The following SMIM28 variants were observed in gnomAD, a reference collection of about 807,000 sequenced individuals.
SMIM28 encodes small integral membrane protein 28.
chr6:138,380,683 C>T (rs1217769485), intron 1 of SMIM28, among the ~76,000 whole-genome samples: 4 of 152,118 alleles, frequency 2.6e-5, no homozygotes, highest in African/African-American at 7.2e-5. Flanking sequence ...AGGAGAATGG[C>T]GTGAACCTGG....
chr6:138,378,549 T>C lies in SMIM28; in HGVS notation c.111+366T>C, dbSNP rs548350312. ...GTCTACATATACAAAAATAAGAGCC[T>C]CTCTTTGGTCCTGGCTGTGTATTAA... On this transcript the variant is annotated intron_variant, in intron 1 of 1. Transcript: ENST00000573100. Among the ~76,000 whole-genome samples, 14 of 152,326 alleles carry C rather than the reference T, an allele frequency of 9.2e-5. No homozygotes were observed. The East Asian group carries it at 2.7e-3, about 29-fold the overall frequency.
intron 1 of SMIM28, among the ~76,000 whole-genome samples, chr6:138,381,502 T>C (rs1452704455): frequency 1.3e-5 from 2 of 152,244 alleles, no homozygotes; most frequent in East Asian, 3.8e-4. Context: ...GGAGCCATTA[T>C]AATTTCTGTG....
rs1433358952 is a variant in SMIM28, at chr6:138,378,121, C to CG, written c.54dup (p.Thr19AspfsTer3). 1.0e-5 allele frequency: 4 copies of CG among 398,508 alleles called. No homozygotes were observed. The highest frequency in any genetic ancestry group is 1.3e-4 in the South Asian group (1 of 7,844). 24.7% of individuals were successfully genotyped at this position (398,508 alleles called of 1,614,324 possible). On this transcript the variant is annotated frameshift_variant, in exon 1 of 2. Transcript: ENST00000573100. LOFTEE classifies it high-confidence loss of function. ...CTGGAAGAAGTTTGGACATGCTGGC[C>CG]GGGGGACATATGAGTGGTTAACCAG...
intron 1 of SMIM28, among the ~76,000 whole-genome samples, chr6:138,379,923 A>G (rs1444278366): frequency 2.0e-5 from 3 of 152,152 alleles, no homozygotes; most frequent in African/African-American, 2.4e-5. Flanking sequence ...CGCATACATA[A>G]AACATAAGAG....
At position 138,377,908 on chromosome 6, in the gene SMIM28, C is replaced by T. The variant is rs1423350830; in HGVS notation, c.-165C>T. On this transcript the variant is annotated 5_prime_UTR_variant, in exon 1 of 2. Coordinates refer to ENST00000573100, the MANE Select transcript of SMIM28 (RefSeq NM_001368163.3). ...ATCTAAACAGTCAGTCCTGAGAGGT[C>T]TCTCTGGTTGGTTTCTTTCCCCTGT... The T allele has an allele frequency of 2.5e-6, 1 of 393,966 alleles. No individual in the cohort carries two copies. The highest frequency in any genetic ancestry group is 3.6e-5 in the East Asian group (1 of 27,860). The allele number at this position is 393,966 out of a possible 1,614,324, so 24.4% of individuals were successfully genotyped here. A position where few individuals can be genotyped will look rare whatever the true frequency, so the allele number is the denominator to read the frequency against.
Position 138,382,938 on chromosome 6 carries a change from A to C in SMIM28, c.*91A>C. 1 of 397,578 alleles carries C rather than the reference A, an allele frequency of 2.5e-6. No homozygotes were observed. Among genetic ancestry groups the C allele is most frequent in the South Asian group, 1.4e-4 (1 of 7,162 alleles). 24.6% of individuals were successfully genotyped at this position (397,578 alleles called of 1,614,324 possible). A position where few individuals can be genotyped will look rare whatever the true frequency, so the allele number is the denominator to read the frequency against. On this transcript the variant is annotated 3_prime_UTR_variant, in exon 2 of 2. Transcript: ENST00000573100. ...CTCCACCTTTAATACAGCACCCATG[A>C]GAAGAGGGAGAAGGGCCCCTAGACC...
intron 1 of SMIM28, among the ~76,000 whole-genome samples, chr6:138,380,869 ACCTCATCTCTCAT>A (rs1774304769): frequency 6.6e-6 from 1 of 151,866 alleles, no homozygotes; most frequent in South Asian, 2.1e-4. Flanking sequence ...CAAGGAGTGA[ACCTCATCTCTCAT>A]AGTTTATGAG....
At position 138,383,395 on chromosome 6, in the gene SMIM28, T is replaced by C. The variant is rs1268968563; in HGVS notation, c.*548T>C. On this transcript the variant is annotated 3_prime_UTR_variant, in exon 2 of 2. Transcript: ENST00000573100. ...AGAACTGCAGGGGATAGTTGTGTTG[T>C]AAATAATGGTGAAATATATTACAAT... 6.6e-6 allele frequency among the ~76,000 whole-genome samples: 1 copy of C among 152,254 alleles called. No homozygotes were observed. The highest frequency in any genetic ancestry group is 2.4e-5 in the African/African-American group (1 of 41,466).
At chr6:138,379,856 C>G (rs1319981852) in intron 1 of SMIM28, among the ~76,000 whole-genome samples, 1 of 151,980 alleles carries the variant, frequency 6.6e-6, no homozygotes, top group Admixed American at 6.5e-5. Flanking sequence ...ATTCTGATAT[C>G]AAATTAGATT....
At chr6:138,381,937 T>C (rs944240167) in intron 1 of SMIM28, among the ~76,000 whole-genome samples, 8 of 152,276 alleles carry the variant, frequency 5.3e-5, no homozygotes, top group African/African-American at 1.9e-4. Context: ...CTCATCAACA[T>C]ATACTTTTTG....
Position 138,378,005 on chromosome 6 carries a change from G to C in SMIM28, c.-68G>C. ...CATCCAAACTGGATCCAGGCCAAGA[G>C]CAAGCAGCATTGTTGAAATCTGGGC... On this transcript the variant is annotated 5_prime_UTR_variant, in exon 1 of 2. Transcript: ENST00000573100. The C allele has an allele frequency of 2.5e-6, 1 of 398,280 alleles. No individual in the cohort carries two copies. Among genetic ancestry groups the C allele is most frequent in the East Asian group, 3.6e-5 (1 of 28,060 alleles). 24.7% of individuals were successfully genotyped at this position (398,280 alleles called of 1,614,324 possible).
chr6:138,378,078 G>A lies in SMIM28; in HGVS notation c.6G>A (p.Arg2=), dbSNP rs73570905. 35 of 398,800 alleles carry A rather than the reference G, an allele frequency of 8.8e-5. No homozygotes were observed. The highest frequency in any genetic ancestry group is 6.6e-4 in the African/African-American group (32 of 48,770). 24.7% of individuals were successfully genotyped at this position (398,800 alleles called of 1,614,324 possible). A position where few individuals can be genotyped will look rare whatever the true frequency, so the allele number is the denominator to read the frequency against. Residue 2 remains arginine, a synonymous_variant, in exon 1 of 2, where the codon CGG becomes CGA. Coordinates refer to ENST00000573100, the MANE Select transcript of SMIM28 (RefSeq NM_001368163.3). The part of the protein sequence containing the change: M[R]GLLGSSWKKF... ...GGCATCAGCTGGATGAAAACATGCGGGGACTGCTGGGCAGCAGCTGGAAGA... is the reference window on the plus strand; with the variant it reads ...GGCATCAGCTGGATGAAAACATGCGAGGACTGCTGGGCAGCAGCTGGAAGA...
chr6:138,381,720 C>CTATG (rs1299109734), intron 1 of SMIM28, among the ~76,000 whole-genome samples: 1 of 152,166 alleles, frequency 6.6e-6, no homozygotes, highest in Non-Finnish European at 1.5e-5. Flanking sequence ...TTTACATGTG[C>CTATG]TATGAACACA....
At chr6:138,379,856 C>T (rs1319981852) in intron 1 of SMIM28, among the ~76,000 whole-genome samples, 1 of 151,980 alleles carries the variant, frequency 6.6e-6, no homozygotes, top group African/African-American at 2.4e-5. Flanking sequence ...ATTCTGATAT[C>T]AAATTAGATT....
intron 1 of SMIM28, among the ~76,000 whole-genome samples, chr6:138,379,510 C>A (rs1774290752): frequency 6.6e-6 from 1 of 152,004 alleles, no homozygotes; most frequent in South Asian, 2.1e-4. Context: ...CACAACTGAT[C>A]AGAAACTGTT....
intron 1 of SMIM28, among the ~76,000 whole-genome samples, chr6:138,378,698 C>T (rs1357019569): frequency 6.6e-6 from 1 of 152,170 alleles, no homozygotes; most frequent in Non-Finnish European, 1.5e-5. Flanking sequence ...TGGCAAATCA[C>T]CAGTGCAGTC....
intron 1 of SMIM28, among the ~76,000 whole-genome samples, chr6:138,381,988 ATAT>A (rs1204960525): frequency 2.6e-5 from 4 of 152,258 alleles, no homozygotes; most frequent in Admixed American, 2.6e-4. Flanking sequence ...GTGTAAATTA[ATAT>A]TATTTCATAT....
At chr6:138,381,795 A>G (rs1774315141) in intron 1 of SMIM28, among the ~76,000 whole-genome samples, 1 of 152,236 alleles carries the variant, frequency 6.6e-6, no homozygotes, top group Non-Finnish European at 1.5e-5. Flanking sequence ...TAGTGGCAAT[A>G]AATCATAATT....
intron 1 of SMIM28, among the ~76,000 whole-genome samples, chr6:138,381,694 T>C (rs1774314223): frequency 6.6e-6 from 1 of 152,228 alleles, no homozygotes; most frequent in Non-Finnish European, 1.5e-5. Flanking sequence ...TATTTACATT[T>C]GACATGCATG....
Sources: allele counts gnomAD v4.1 joint callset (sites outside exome capture counted in the v4.1 genomes callset), GRCh38; gene constraint gnomAD v4.1.1; transcripts MANE v1.5; gene names NCBI Gene and HGNC (gene_info 2026-07-23, HGNC 2026-07-21).